BRCA1: variants seen among roughly 807,000 people sequenced by gnomAD.
The protein encoded by BRCA1 is breast cancer type 1 susceptibility protein.
Under a neutral mutation model 173.7 loss-of-function variants are expected in BRCA1, and 140 were observed. The observed-to-expected ratio is 0.81, with a 90% CI of 0.70 to 0.93. The LOEUF is 0.93. Among genes scored for constraint, BRCA1 ranks in the 40% least tolerant of loss-of-function variants. The probability of loss-of-function intolerance (pLI) is 0.00; values close to 1 mark genes in which losing one functional copy is unlikely to be tolerated. For synonymous variants in BRCA1, 662 were observed against 756.0 expected (o/e 0.88, Z 2.04); for missense variants, 1,983 against 2,172.5 (o/e 0.91, Z 1.73).
Position 43,099,857 on chromosome 17 carries a change from T to G in BRCA1, c.465A>C (p.Gln155His), listed in dbSNP as rs864622260. Reference protein sequence around the residue: ...PSLQETSLSVQLSNLGTVRTL... With the variant: ...PSLQETSLSVHLSNLGTVRTL... Reference sequence around the variant, plus strand: ...TTCTCACAGTTCCAAGGTTAGAGAGTTGGACACTGAGACTGGTTTCCTGCT... The same window carrying G: ...TTCTCACAGTTCCAAGGTTAGAGAGGTGGACACTGAGACTGGTTTCCTGCT... Residue 155 changes from glutamine to histidine, a missense_variant, in exon 7 of 23, where the codon CAA (glutamine) becomes CAC (histidine). Gln to His is a conservative substitution (Grantham distance 24). Transcript: ENST00000357654. 1 of 1,613,510 alleles carries G rather than the reference T, an allele frequency of 6.2e-7. No homozygotes were observed. The highest frequency in any genetic ancestry group is 8.5e-7 in the Non-Finnish European group (1 of 1,179,466).
chr17:43,065,065 C>T (rs182790231), intron 16 of BRCA1, among the ~76,000 whole-genome samples: 34 of 152,080 alleles, frequency 2.2e-4, no homozygotes, highest in African/African-American at 6.3e-4. Flanking sequence ...CTCCTGACCT[C>T]GTGATCTGCC....
rs56128296 is a variant in BRCA1 at position 43,094,394 on chromosome 17, A to C, written c.1137T>G (p.Ile379Met). 449 of 1,614,162 alleles carry C rather than the reference A, an allele frequency of 2.8e-4. 2 individuals are homozygous for C. The African/African-American group carries it at 5.4e-3, about 20-fold the overall frequency. Residue 379 changes from isoleucine to methionine, a missense_variant, in exon 10 of 23, where the codon ATT (isoleucine) becomes ATG (methionine). Coordinates refer to ENST00000357654, the MANE Select transcript of BRCA1 (RefSeq NM_007294.4). ...DVPWITLNSSIQKVNEWFSRS... is the reference protein window; with the variant it reads ...DVPWITLNSSMQKVNEWFSRS... ...TGGAAAACCACTCATTAACTTTCTG[A>C]ATGCTGCTATTTAGTGTTATCCAAG... is the stretch of plus-strand genomic sequence containing the variant.
rs8176229 is a variant in BRCA1, at chr17:43,068,271, C to T, written c.4987-576G>A. 0.02 allele frequency among the ~76,000 whole-genome samples: 2,900 copies of T among 146,498 alleles called. 51 individuals are homozygous for T. The highest frequency in any genetic ancestry group is 0.028 in the Non-Finnish European group (1,891 of 66,922). On this transcript the variant is annotated intron_variant, in intron 15 of 22. Coordinates refer to ENST00000357654, the MANE Select transcript of BRCA1 (RefSeq NM_007294.4). ...TAGCCTGGGCGAGAGTGCGAGACTC[C>T]GTCTCAAAAAAAAAAAAAAGATACC... is the stretch of plus-strand genomic sequence containing the variant.
At chr17:43,139,014 A>G in intron 1 of BRCA1, 1 of 767,308 alleles carries the variant, frequency 1.3e-6, no homozygotes, top group South Asian at 1.4e-5. Context: ...TTGCCTATAT[A>G]CAACCCCTTT....
chr17:43,167,532 A>T (rs1219647879), intron 1 of BRCA1: 1 of 152,200 alleles, frequency 6.6e-6, no homozygotes, highest in Non-Finnish European at 1.5e-5. Flanking sequence ...TAATCTATAG[A>T]TAACATACCA....
At chr17:43,115,641 G>A in intron 3 of BRCA1, 85 bp downstream of exon 3, 1 of 1,302,478 alleles carries the variant, frequency 7.7e-7, no homozygotes. Flanking sequence ...AGAAAGTAAA[G>A]CTTCTATAAA....
At chr17:43,157,199 G>C (rs2056202732) in intron 1 of BRCA1, among the ~76,000 whole-genome samples, 1 of 152,144 alleles carries the variant, frequency 6.6e-6, no homozygotes. Flanking sequence ...CCAGCAGAAG[G>C]AATTTTAGGT....
intron 12 of BRCA1, among the ~76,000 whole-genome samples, chr17:43,080,789 G>GAGCAAGACCCTCTCTATA (rs1158014323): frequency 1.3e-5 from 2 of 151,964 alleles, no homozygotes; most frequent in Non-Finnish European, 2.9e-5. Flanking sequence ...TTGGGCAACA[G>GAGCAAGACCCTCTCTATA]AGCAAGACCC....
intron 1 of BRCA1, chr17:43,169,839 G>T (rs2056310517): frequency 3.3e-6 from 1 of 306,626 alleles, no homozygotes. Context: ...CCCCCGTCCA[G>T]AACGTCTCAG....
At position 43,045,469 on chromosome 17, in the gene BRCA1, T is replaced by C; in HGVS notation, c.*209A>G. On this transcript the variant is annotated 3_prime_UTR_variant, in exon 23 of 23. Transcript: ENST00000357654. ...AAAAATTACCATAATTTTGTGCTCA[T>C]GGCAGATTTCCAAGGGAGACTTCAA... The C allele has an allele frequency of 6.4e-6, 5 of 784,130 alleles. No individual in the cohort carries two copies. The highest frequency in any genetic ancestry group is 1.1e-5 in the Non-Finnish European group (5 of 458,792). The allele number at this position is 784,130 out of a possible 1,614,324, so 48.6% of individuals were successfully genotyped here.
chr17:43,105,901 T>G (rs761378771), intron 4 of BRCA1, among the ~76,000 whole-genome samples: 3 of 151,726 alleles, frequency 2.0e-5, no homozygotes, highest in Non-Finnish European at 2.9e-5. Context: ...GAGGCCGAGG[T>G]GGGCAGATCA....
At chr17:43,056,224 A>T in intron 19 of BRCA1, among the ~76,000 whole-genome samples, 1 of 144,924 alleles carries the variant, frequency 6.9e-6, no homozygotes. Context: ...TCTAGGCTGG[A>T]GTGCAGTGGC....
At chr17:43,149,168 G>C (rs975376388) in intron 1 of BRCA1, among the ~76,000 whole-genome samples, 1 of 150,098 alleles carries the variant, frequency 6.7e-6, no homozygotes, top group Admixed American at 6.7e-5. Context: ...GCACGATCTC[G>C]GCTCACTGCA....
chr17:43,160,041 G>A (rs2056225259), intron 1 of BRCA1: 1 of 150,232 alleles, frequency 6.7e-6, no homozygotes, highest in Non-Finnish European at 1.5e-5. Context: ...AACCATCCAT[G>A]ATTTTTTTTT....
At position 43,044,806 on chromosome 17, in the gene BRCA1, T is replaced by TTTCC. The variant is rs939608431; in HGVS notation, c.*871_*872insGGAA. On this transcript the variant is annotated 3_prime_UTR_variant, in exon 23 of 23. Coordinates refer to ENST00000357654, the MANE Select transcript of BRCA1 (RefSeq NM_007294.4). ...AAATCTCTTCTAGTTTCATTTTCCT[T>TTTCC]TTTTTTTTTTTTTTTTTGAGCCACA... The TTTCC allele has an allele frequency of 1.0e-4, 5 of 49,480 alleles. No individual in the cohort carries two copies. Among genetic ancestry groups the TTTCC allele is most frequent in the Non-Finnish European group, 2.3e-4 (5 of 21,752 alleles). The allele number at this position is 49,480 out of a possible 1,614,324, so 3.1% of individuals were successfully genotyped here.
At position 43,074,426 on chromosome 17, in the gene BRCA1, T is replaced by G; in HGVS notation, c.4580A>C (p.Glu1527Ala). 2.5e-6 allele frequency: 4 copies of G among 1,614,182 alleles called. No homozygotes were observed. The highest frequency in any genetic ancestry group is 3.4e-6 in the Non-Finnish European group (4 of 1,180,026). Residue 1527 changes from glutamate to alanine, a missense_variant, in exon 14 of 23, where the codon GAG becomes GCG. Physicochemically the swap from Glu to Ala is moderately radical, Grantham distance 107 (BLOSUM62 -1). Coordinates refer to ENST00000357654, the MANE Select transcript of BRCA1 (RefSeq NM_007294.4). ...CTCCACATCAACAACCTTAATGAGC[T>G]CCTCTTGAGATGGGTAGTTTCTATT... is the stretch of plus-strand genomic sequence containing the variant. ...LQNRNYPSQE[E>A]LIKVVDVEEQ...
chr17:43,064,827 A>AT (rs60879064), intron 16 of BRCA1, among the ~76,000 whole-genome samples: 8,453 of 106,676 alleles, frequency 0.079, 470 homozygotes, highest in Admixed American at 0.12. Flanking sequence ...TTTGATTTGC[A>AT]TTTTTTTTTT....
At chr17:43,156,552 G>A (rs1420271824) in intron 1 of BRCA1, among the ~76,000 whole-genome samples, 4 of 152,132 alleles carry the variant, frequency 2.6e-5, no homozygotes, top group Admixed American at 2.0e-4. Flanking sequence ...GAGATGACTT[G>A]TACCAATGTG....
At chr17:43,129,178 C>A (rs866694445), upstream of BRCA1, among the ~76,000 whole-genome samples, 6 of 152,346 alleles carry the variant, frequency 3.9e-5, no homozygotes, top group Middle Eastern at 3.4e-3. Context: ...AGCTATCTGA[C>A]TCTACTGGCT....
Sources: allele counts gnomAD v4.1 joint callset (sites outside exome capture counted in the v4.1 genomes callset), GRCh38; gene constraint gnomAD v4.1.1; transcripts MANE v1.5; gene names NCBI Gene and HGNC (gene_info 2026-07-23, HGNC 2026-07-21).